Variants in TTLL5 observed in about 807,000 individuals in gnomAD.
TTLL5 encodes tubulin tyrosine ligase like 5.
Under a neutral mutation model 168.4 loss-of-function variants are expected in TTLL5, and 132 were observed. That is an observed-to-expected ratio of 0.78 (90% CI 0.68 to 0.91). The LOEUF is 0.91. Among genes scored for constraint, TTLL5 ranks in the 40% least tolerant of loss-of-function variants. The pLI is 0.00. For missense variants in TTLL5, 1,545 were observed against 1,581.5 expected, an observed-to-expected ratio of 0.98 and a Z score of 0.39; for synonymous variants, 546 against 558.6, an observed-to-expected ratio of 0.98 and a Z score of 0.32.
At chr14:75,782,694 C>A (rs1370601445) in intron 25 of TTLL5, 121 bp downstream of exon 25, 2 of 846,336 alleles carry the variant, frequency 2.4e-6, no homozygotes, top group Admixed American at 6.7e-5. Flanking sequence ...AAATATTTTT[C>A]TTTTTCCTTT....
intron 15 of TTLL5, among the ~76,000 whole-genome samples, chr14:75,737,174 T>G (rs1888965219): frequency 6.6e-6 from 1 of 152,246 alleles, no homozygotes; most frequent in South Asian, 2.1e-4. Context: ...GTTCAATGCT[T>G]GTTTTGCCAA....
intron 9 of TTLL5, among the ~76,000 whole-genome samples, chr14:75,716,061 G>A (rs1887436775): frequency 6.6e-6 from 1 of 152,164 alleles, no homozygotes; most frequent in Non-Finnish European, 1.5e-5. Flanking sequence ...GTAATGTCTG[G>A]CTGAGGCAGG....
rs2035056860 is a variant in TTLL5 at position 75,954,573 on chromosome 14, T to C, written c.*127T>C. 7.6e-6 allele frequency: 8 copies of C among 1,055,674 alleles called. No individual in the cohort carries two copies. Among genetic ancestry groups the C allele is most frequent in the Admixed American group, 5.9e-5 (3 of 50,672 alleles). The allele number at this position is 1,055,674 out of a possible 1,614,324, so 65.4% of individuals were successfully genotyped here. ...TTGCTGCCTCAAAGTCCCCAAAGCC[T>C]TCGAGCAGAAGTGGCAGTAGATGGT... is the stretch of plus-strand genomic sequence containing the variant. On this transcript the variant is annotated 3_prime_UTR_variant, in exon 32 of 32. Coordinates refer to ENST00000298832, the MANE Select transcript of TTLL5 (RefSeq NM_015072.5).
At chr14:75,679,554 G>A (rs1002626840) in intron 3 of TTLL5, among the ~76,000 whole-genome samples, 4 of 152,160 alleles carry the variant, frequency 2.6e-5, no homozygotes, top group South Asian at 2.1e-4. Context: ...ATTCCCTCTC[G>A]ACTCCTTGTA....
At chr14:75,725,007 T>C (rs1888101817) in intron 12 of TTLL5, among the ~76,000 whole-genome samples, 2 of 152,196 alleles carry the variant, frequency 1.3e-5, no homozygotes, top group Non-Finnish European at 2.9e-5. Flanking sequence ...AGTCATGGGT[T>C]GTGACCCAGG....
At chr14:75,695,745 A>G (rs1323405548) in intron 6 of TTLL5, among the ~76,000 whole-genome samples, 1 of 151,884 alleles carries the variant, frequency 6.6e-6, no homozygotes, top group African/African-American at 2.4e-5. Context: ...TGATAAGCCT[A>G]GTTCACAAAG....
At chr14:75,717,379 T>C (rs1887538992) in intron 9 of TTLL5, among the ~76,000 whole-genome samples, 1 of 152,166 alleles carries the variant, frequency 6.6e-6, no homozygotes, top group Non-Finnish European at 1.5e-5. Context: ...CCTCCCAAAG[T>C]GTTGAGATTA....
At position 75,767,175 on chromosome 14, in the gene TTLL5, A is replaced by T. The variant is rs1309021290; in HGVS notation, c.2015+807A>T. Among the ~76,000 whole-genome samples the T allele has an allele frequency of 3.9e-5, 6 of 152,062 alleles. No homozygotes were observed. The South Asian group carries it at 1.2e-3, about 32-fold the overall frequency. On this transcript the variant is annotated intron_variant, in intron 20 of 31. Coordinates refer to ENST00000298832, the MANE Select transcript of TTLL5 (RefSeq NM_015072.5). Reference sequence around the variant, plus strand: ...TGAAACTCCATCTTAAAAAAAAAAAAAAAAAGACATAGAGGTGTGATAATA... The same window carrying T: ...TGAAACTCCATCTTAAAAAAAAAAATAAAAAGACATAGAGGTGTGATAATA...
intron 18 of TTLL5, among the ~76,000 whole-genome samples, chr14:75,764,148 C>G (rs762113584): frequency 6.6e-6 from 1 of 152,114 alleles, no homozygotes; most frequent in Non-Finnish European, 1.5e-5. Context: ...CTCATCTGAA[C>G]CTCTGCTAAA....
chr14:75,794,509 C>T (rs1425792949), intron 27 of TTLL5, among the ~76,000 whole-genome samples: 3 of 151,652 alleles, frequency 2.0e-5, no homozygotes, highest in African/African-American at 2.4e-5. Context: ...TAGCTCCTAT[C>T]GTTCACTAGA....
intron 28 of TTLL5, among the ~76,000 whole-genome samples, chr14:75,848,418 T>C (rs1455912125): frequency 1.3e-5 from 2 of 152,126 alleles, no homozygotes; most frequent in Admixed American, 1.3e-4. Context: ...GTGTGAAAGC[T>C]AGGTGATGGC....
chr14:75,929,110 T>A (rs2034187159), intron 31 of TTLL5, among the ~76,000 whole-genome samples: 1 of 147,014 alleles, frequency 6.8e-6, no homozygotes, highest in Admixed American at 7.2e-5. Context: ...GAAGTCAGAA[T>A]TTCTGTGGAT....
intron 26 of TTLL5, among the ~76,000 whole-genome samples, chr14:75,783,934 C>CT (rs1892214037): frequency 6.6e-6 from 1 of 152,120 alleles, no homozygotes; most frequent in Non-Finnish European, 1.5e-5. Flanking sequence ...CCAAAGAATT[C>CT]TTAGAATAGG....
intron 18 of TTLL5, among the ~76,000 whole-genome samples, chr14:75,759,966 C>T (rs1188770325): frequency 6.6e-6 from 1 of 151,928 alleles, no homozygotes; most frequent in Non-Finnish European, 1.5e-5. Context: ...GCAAGATGTC[C>T]ACTCATACCA....
intron 1 of TTLL5, among the ~76,000 whole-genome samples, chr14:75,662,201 AC>A (rs1890778382): frequency 6.6e-6 from 1 of 151,906 alleles, no homozygotes; most frequent in Admixed American, 6.6e-5. Flanking sequence ...ATTTATATGG[AC>A]CTTTGATTCA....
chr14:75,816,974 ATTTTT>A (rs35736530), intron 27 of TTLL5, among the ~76,000 whole-genome samples: 12 of 96,084 alleles, frequency 1.2e-4, no homozygotes, highest in African/African-American at 4.2e-4. Context: ...TCCCTGTCTT[ATTTTT>A]TTTTTTTTTT....
At chr14:75,862,533 G>T (rs558183838) in intron 28 of TTLL5, among the ~76,000 whole-genome samples, 14 of 152,298 alleles carry the variant, frequency 9.2e-5, no homozygotes, top group Admixed American at 7.2e-4. Flanking sequence ...AAATGGGAAT[G>T]AAGTAGTATA....
intron 31 of TTLL5, among the ~76,000 whole-genome samples, chr14:75,950,446 G>A (rs955140501): frequency 3.0e-4 from 45 of 152,298 alleles, no homozygotes; most frequent in African/African-American, 9.9e-4. Context: ...CTTCTAAGAT[G>A]CCATGAAGAT....
chr14:75,798,463 T>C (rs1439104189), intron 27 of TTLL5, among the ~76,000 whole-genome samples: 1 of 152,038 alleles, frequency 6.6e-6, no homozygotes, highest in African/African-American at 2.4e-5. Context: ...CAATTTTATT[T>C]AGTTATGCTC....
Sources: allele counts gnomAD v4.1 joint callset (sites outside exome capture counted in the v4.1 genomes callset), GRCh38; gene constraint gnomAD v4.1.1; transcripts MANE v1.5; gene names NCBI Gene and HGNC (gene_info 2026-07-23, HGNC 2026-07-21).